Variants in MRC2 observed in about 807,000 individuals in gnomAD.
The protein encoded by MRC2 is mannose receptor C-type 2.
MRC2 carries 84 observed loss-of-function variants against 206.2 expected under a neutral mutation model. That is an observed-to-expected ratio of 0.41 (90% CI 0.34 to 0.49). The LOEUF is 0.49. Ranked by LOEUF, MRC2 falls within the 20% of genes least tolerant of loss-of-function variation. The pLI, the probability that MRC2 is intolerant of heterozygous loss-of-function variation, is 0.31. For synonymous variants in MRC2, 798 were observed against 800.0 expected (o/e 1.00, Z 0.04); for missense variants, 1,676 against 2,001.5 (o/e 0.84, Z 3.10).
chr17:62,690,491 C>A, intron 26 of MRC2, 151 bp from the exon 27 acceptor site: 2 of 1,358,800 alleles, frequency 1.5e-6, no homozygotes, highest in South Asian at 1.4e-5. Flanking sequence ...CCCCCCCACA[C>A]ACTTGCACAT....
At chr17:62,673,356 T>C (rs534990028) in intron 8 of MRC2, among the ~76,000 whole-genome samples, 3 of 152,318 alleles carry the variant, frequency 2.0e-5, no homozygotes, top group South Asian at 2.1e-4. Context: ...CTGGGCACAC[T>C]GGCCTCTGCA....
At chr17:62,689,385 A>T in intron 23 of MRC2, 137 bp from the exon 24 acceptor site, 2 of 623,144 alleles carry the variant, frequency 3.2e-6, no homozygotes, top group Non-Finnish European at 5.7e-6. Context: ...GACACCTACC[A>T]AGCCTTGGTC....
intron 20 of MRC2, among the ~76,000 whole-genome samples, chr17:62,682,862 G>A (rs922309831): frequency 2.6e-5 from 4 of 151,858 alleles, no homozygotes; most frequent in African/African-American, 4.8e-5. Context: ...GGCTAGTCTC[G>A]AACCCCTGAA....
rs142476299 is a variant in MRC2, at chr17:62,629,391, C to A, written c.118+1471C>A. Among the ~76,000 whole-genome samples the A allele has an allele frequency of 3.5e-4, 53 of 152,296 alleles. 1 individual carries two copies. The East Asian group carries it at 8.1e-3, about 23-fold the overall frequency. On this transcript the variant is annotated intron_variant, in intron 1 of 29. Transcript: ENST00000303375. The stretch of plus-strand genomic sequence containing the variant: ...GGGCTGGAAGTGCCTGGTGAGAGGC[C>A]CGGTCAGGGAGGACAAGGACGCCTG...
chr17:62,674,873 C>T (rs914663119), intron 9 of MRC2, among the ~76,000 whole-genome samples: 1 of 152,102 alleles, frequency 6.6e-6, no homozygotes, highest in Non-Finnish European at 1.5e-5. Context: ...CTTGGCCCCC[C>T]CCAGCAGCCC....
At chr17:62,678,463 C>G in intron 12 of MRC2, 41 bp from the exon 13 acceptor site, 1 of 1,595,764 alleles carries the variant, frequency 6.3e-7, no homozygotes, top group Non-Finnish European at 8.5e-7. Flanking sequence ...GAGGGGTGGG[C>G]CAGTGGGGAC....
At chr17:62,657,706 T>C (rs1035981328) in intron 1 of MRC2, among the ~76,000 whole-genome samples, 6 of 152,066 alleles carry the variant, frequency 3.9e-5, no homozygotes, top group Non-Finnish European at 8.8e-5. Flanking sequence ...CACTCTGAGC[T>C]CCCTCTGCCC....
intron 8 of MRC2, among the ~76,000 whole-genome samples, chr17:62,673,442 A>G (rs971808176): frequency 6.6e-6 from 1 of 152,044 alleles, no homozygotes; most frequent in Non-Finnish European, 1.5e-5. Context: ...TACTCTAACA[A>G]TCTTAGCCAG....
At chr17:62,656,418 C>T in intron 1 of MRC2, among the ~76,000 whole-genome samples, 1 of 152,166 alleles carries the variant, frequency 6.6e-6, no homozygotes, top group East Asian at 1.9e-4. Flanking sequence ...TCTTGAACTC[C>T]TGGGCTCAAA....
intron 1 of MRC2, among the ~76,000 whole-genome samples, chr17:62,632,093 C>T (rs898469636): frequency 4.6e-5 from 7 of 152,164 alleles, no homozygotes; most frequent in South Asian, 2.1e-4. Context: ...GGGGTGGTGA[C>T]GCGCTCCTGG....
At chr17:62,663,236 ATCCC>A (rs1317228654) in intron 1 of MRC2, among the ~76,000 whole-genome samples, 4 of 97,506 alleles carry the variant, frequency 4.1e-5, no homozygotes, top group South Asian at 3.8e-4. Flanking sequence ...CCTACCATCC[ATCCC>A]TCCCTCCCTC....
In MRC2 at chr17:62,654,416, G is replaced by A. The variant is rs182451555; in HGVS notation, c.119-10132G>A. On this transcript the variant is annotated intron_variant, in intron 1 of 29. Transcript: ENST00000303375. ...TGCCTTTCAGGGTTTTATGTGACAT[G>A]CCTCTCATTCAACACATATTTGTTG... is the stretch of plus-strand genomic sequence containing the variant. Among the ~76,000 whole-genome samples, 5 of 152,012 alleles carry A rather than the reference G, an allele frequency of 3.3e-5. No homozygotes were observed. In the East Asian group the frequency reaches 9.8e-4, roughly 30 times the overall value.
chr17:62,632,920 T>C (rs1268805064), intron 1 of MRC2, among the ~76,000 whole-genome samples: 1 of 152,118 alleles, frequency 6.6e-6, no homozygotes, highest in Non-Finnish European at 1.5e-5. Context: ...CTCCTGTAGA[T>C]GAGGCAGGAG....
intron 1 of MRC2, among the ~76,000 whole-genome samples, chr17:62,655,511 C>T (rs1368445843): frequency 3.3e-5 from 5 of 152,042 alleles, no homozygotes; most frequent in African/African-American, 4.8e-5. Context: ...CACTGCACTC[C>T]AGCCTGGGCA....
intron 1 of MRC2, among the ~76,000 whole-genome samples, chr17:62,638,752 A>G (rs1167390339): frequency 4.0e-5 from 6 of 150,328 alleles, no homozygotes; most frequent in Non-Finnish European, 8.9e-5. Context: ...AAAAAAAAAA[A>G]AAAAAGAAAG....
chr17:62,637,575 G>T (rs1303082268), intron 1 of MRC2, among the ~76,000 whole-genome samples: 2 of 151,400 alleles, frequency 1.3e-5, no homozygotes, highest in African/African-American at 4.8e-5. Flanking sequence ...AGAATTCCCG[G>T]CCTTCTCAGT....
In MRC2 at chr17:62,652,023, A is replaced by G. The variant is rs2088561815; in HGVS notation, c.119-12525A>G. ...ATAAATTTTCACTATGGAAAATTGT[A>G]AATTACAGAAAGGCCCAAAGATTTT... On this transcript the variant is annotated intron_variant, in intron 1 of 29. Coordinates refer to ENST00000303375, the MANE Select transcript of MRC2 (RefSeq NM_006039.5). This position sits in a 1 kb window ranked among gnomAD's most constrained non-coding sequence, Gnocchi z 4.6. Among the ~76,000 whole-genome samples, 1 of 152,210 alleles carries G rather than the reference A, an allele frequency of 6.6e-6. No homozygotes were observed. The highest frequency in any genetic ancestry group is 2.4e-5 in the African/African-American group (1 of 41,450).
intron 6 of MRC2, among the ~76,000 whole-genome samples, chr17:62,668,302 C>T (rs1429126473): frequency 3.3e-5 from 5 of 150,614 alleles, no homozygotes; most frequent in African/African-American, 4.9e-5. Context: ...CAGTGAGCCT[C>T]GCTTGCACCA....
At chr17:62,644,189 T>C (rs1336925965) in intron 1 of MRC2, among the ~76,000 whole-genome samples, 1 of 151,102 alleles carries the variant, frequency 6.6e-6, no homozygotes, top group African/African-American at 2.4e-5. Flanking sequence ...GAGGCTGAGG[T>C]AAGTGGATCA....
Sources: gnomAD v4.1 joint callset for allele counts (sites outside exome capture counted in the v4.1 genomes callset) on GRCh38, gnomAD v4.1.1 for gene constraint, Gnocchi (gnomAD v3.1) non-coding constraint, MANE v1.5 for transcripts, NCBI Gene and HGNC (gene_info 2026-07-23, HGNC 2026-07-21) for gene names.